MGST1: variants seen among roughly 807,000 people sequenced by gnomAD.
MGST1 encodes the protein microsomal glutathione S-transferase 1.
Under a neutral mutation model 8.9 loss-of-function variants are expected in MGST1, and 5 were observed. The ratio of observed to expected loss-of-function variants is 0.56; its 90% CI spans 0.29 to 1.19. The LOEUF (loss-of-function observed/expected upper bound fraction) is 1.19, where lower values mean the gene tolerates loss of function less well. MGST1 is among the 50% of genes most tolerant of loss of function. The pLI, the probability that MGST1 is intolerant of heterozygous loss-of-function variation, is 0.08. For missense variants in MGST1, 182 were observed against 187.4 expected (o/e 0.97, Z 0.17); for synonymous variants, 54 against 67.8 (o/e 0.80, Z 1.00).
At chr12:16,539,790 G>A (rs1375276056) in intron 4 of MGST1, among the ~76,000 whole-genome samples, 1 of 152,064 alleles carries the variant, frequency 6.6e-6, no homozygotes, top group Non-Finnish European at 1.5e-5. Flanking sequence ...TGGAGCTCAG[G>A]GCATGACAAC....
intron 4 of MGST1, among the ~76,000 whole-genome samples, chr12:16,534,977 C>T (rs1038469465): frequency 5.3e-5 from 8 of 152,272 alleles, no homozygotes; most frequent in East Asian, 1.9e-4. Flanking sequence ...TTTACCTTCA[C>T]GTATTTTTGT....
intron 1 of MGST1, among the ~76,000 whole-genome samples, chr12:16,432,044 C>T (rs1435098729): frequency 6.6e-6 from 1 of 152,096 alleles, no homozygotes; most frequent in Admixed American, 6.5e-5. Flanking sequence ...TTCAATACTA[C>T]TACTTGATGT....
chr12:16,560,301 A>G lies in MGST1; in HGVS notation n.483-29227A>G. On this transcript the variant is annotated intron_variant and non_coding_transcript_variant, in intron 4 of 4. Transcript: ENST00000538857. This position sits in a 1 kb window ranked among gnomAD's most constrained non-coding sequence, Gnocchi z 5.0. Reference sequence around the variant, plus strand: ...TGGGATTAAAGTTTACAGAACAGAAAAACGCTGAGATTGATTGCTTTAAAT... The same window carrying G: ...TGGGATTAAAGTTTACAGAACAGAAGAACGCTGAGATTGATTGCTTTAAAT... 3.2e-6 allele frequency: 4 copies of G among 1,231,908 alleles called. No individual in the cohort carries two copies. In the East Asian group the frequency reaches 9.9e-5, roughly 31 times the overall value. The allele number at this position is 1,231,908 out of a possible 1,614,324, so 76.3% of individuals were successfully genotyped here. A position where few individuals can be genotyped will look rare whatever the true frequency, so the allele number is the denominator to read the frequency against.
intron 4 of MGST1, among the ~76,000 whole-genome samples, chr12:16,505,178 CT>C (rs1261448299): frequency 2.0e-5 from 3 of 152,130 alleles, no homozygotes; most frequent in Non-Finnish European, 4.4e-5. Context: ...AAACTCCAGA[CT>C]TTTTTCTGCA....
rs1305999104 is a variant in MGST1 at position 16,363,976 on chromosome 12, T to G, written c.403T>G (p.Phe135Val). 3.7e-6 allele frequency: 6 copies of G among 1,613,962 alleles called. No homozygotes were observed. The highest frequency in any genetic ancestry group is 5.1e-6 in the Non-Finnish European group (6 of 1,179,888). The change falls in exon 4 of 4, where the codon TTT becomes GTT. Residue 135 changes from phenylalanine to valine, a missense_variant. Coordinates refer to ENST00000396210, the MANE Select transcript of MGST1 (RefSeq NM_020300.5). The surrounding 1 kb of genome is among the most constrained non-coding windows in gnomAD (Gnocchi z 4.6). Reference sequence around the variant, plus strand: ...CCAGCCAAATAGAGCTTTGAGTTTTTTTGTTGGATATGGAGTTACTCTTTC... The same window carrying G: ...CCAGCCAAATAGAGCTTTGAGTTTTGTTGTTGGATATGGAGTTACTCTTTC... ...LPQPNRALSF[F>V]VGYGVTLSMA...
At chr12:16,508,003 A>C (rs1207185949) in intron 4 of MGST1, among the ~76,000 whole-genome samples, 2 of 152,088 alleles carry the variant, frequency 1.3e-5, no homozygotes, top group African/African-American at 2.4e-5. Context: ...TGAGTTCAGC[A>C]TGCTTTTTTC....
At chr12:16,366,147 GGAC>G, downstream of MGST1, among the ~76,000 whole-genome samples, 1 of 152,142 alleles carries the variant, frequency 6.6e-6, no homozygotes, top group East Asian at 1.9e-4. This position sits in a 1 kb window ranked among gnomAD's most constrained non-coding sequence, Gnocchi z 4.0. Context: ...TAGGGGAAAA[GGAC>G]GTTTAAATTT....
At chr12:16,575,861 C>G (rs767682091) in intron 4 of MGST1, among the ~76,000 whole-genome samples, 6 of 152,138 alleles carry the variant, frequency 3.9e-5, no homozygotes, top group Non-Finnish European at 7.3e-5. Flanking sequence ...CTAGTTCTCC[C>G]TACGTGACAT....
intron 4 of MGST1, among the ~76,000 whole-genome samples, chr12:16,459,969 T>C (rs1941206600): frequency 6.6e-6 from 1 of 152,110 alleles, no homozygotes; most frequent in Admixed American, 6.6e-5. Context: ...AAACCTTCTG[T>C]CTTGTAGAAA....
At chr12:16,395,937 A>G (rs1940602079) in intron 1 of MGST1, among the ~76,000 whole-genome samples, 1 of 151,838 alleles carries the variant, frequency 6.6e-6, no homozygotes, top group Admixed American at 6.6e-5. Flanking sequence ...CTTTTTTCAT[A>G]TAATTACTTC....
intron 4 of MGST1, chr12:16,549,314 C>A (rs1423826331): frequency 6.6e-6 from 1 of 152,132 alleles, no homozygotes; most frequent in African/African-American, 2.4e-5. Context: ...GAATTTCTTT[C>A]TTTAGTATAT....
chr12:16,575,577 G>A (rs1162577559), intron 4 of MGST1, among the ~76,000 whole-genome samples: 1 of 152,138 alleles, frequency 6.6e-6, no homozygotes, highest in Non-Finnish European at 1.5e-5. Flanking sequence ...ACAACTGAAT[G>A]AGGCAGGTTT....
At chr12:16,522,134 G>A (rs758577829) in intron 4 of MGST1, among the ~76,000 whole-genome samples, 6 of 152,086 alleles carry the variant, frequency 3.9e-5, no homozygotes, top group Non-Finnish European at 5.9e-5. Context: ...TGAAGGTGAA[G>A]CGCTCGTACA....
intron 4 of MGST1, among the ~76,000 whole-genome samples, chr12:16,558,818 C>G (rs1319065057): frequency 6.6e-6 from 1 of 152,080 alleles, no homozygotes; most frequent in African/African-American, 2.4e-5. Context: ...ATAAAGATAA[C>G]TAACTTTTGA....
chr12:16,418,594 C>T (rs1213229931), intron 1 of MGST1, among the ~76,000 whole-genome samples: 3 of 152,164 alleles, frequency 2.0e-5, no homozygotes, highest in Non-Finnish European at 4.4e-5. Flanking sequence ...CTTAGTTTTC[C>T]GAGAGACTAT....
At chr12:16,524,069 T>A in intron 4 of MGST1, among the ~76,000 whole-genome samples, 1 of 152,132 alleles carries the variant, frequency 6.6e-6, no homozygotes, top group East Asian at 1.9e-4. Context: ...CTTTCCTCAG[T>A]TCAGACTTTA....
chr12:16,486,299 T>C (rs1941398796), intron 4 of MGST1, among the ~76,000 whole-genome samples: 1 of 152,210 alleles, frequency 6.6e-6, no homozygotes, highest in East Asian at 1.9e-4. Context: ...AGTTTTAAAC[T>C]TTTTGCCTGA....
At chr12:16,509,237 A>G (rs1408156930) in intron 4 of MGST1, among the ~76,000 whole-genome samples, 2 of 152,176 alleles carry the variant, frequency 1.3e-5, no homozygotes, top group Non-Finnish European at 2.9e-5. Flanking sequence ...ATAGTTAATT[A>G]TTATGACCCT....
At chr12:16,474,044 GA>G (rs777881745) in intron 4 of MGST1, among the ~76,000 whole-genome samples, 1 of 152,152 alleles carries the variant, frequency 6.6e-6, no homozygotes, top group East Asian at 1.9e-4. Context: ...TGCTATACTG[GA>G]ACGGAGTGAA....
Sources: gnomAD v4.1 joint callset for allele counts (sites outside exome capture counted in the v4.1 genomes callset) on GRCh38, gnomAD v4.1.1 for gene constraint, Gnocchi (gnomAD v3.1) non-coding constraint, MANE v1.5 for transcripts, NCBI Gene and HGNC (gene_info 2026-07-23, HGNC 2026-07-21) for gene names.